GTF3C1: variants seen among roughly 807,000 people sequenced by gnomAD.
The protein encoded by GTF3C1 is general transcription factor 3C polypeptide 1.
GTF3C1 carries 57 observed loss-of-function variants against 226.7 expected under a neutral mutation model. The ratio of observed to expected loss-of-function variants is 0.25; its 90% CI spans 0.20 to 0.31. The LOEUF (loss-of-function observed/expected upper bound fraction) is 0.31. GTF3C1 is among the 10% of genes least tolerant of loss of function. The pLI is 1.00. For missense variants in GTF3C1, 2,217 were observed against 2,776.1 expected (o/e 0.80, Z 4.53); for synonymous variants, 1,090 against 1,084.8 (o/e 1.00, Z -0.09).
At chr16:27,519,066 G>A (rs1049821966) in intron 6 of GTF3C1, among the ~76,000 whole-genome samples, 1 of 152,176 alleles carries the variant, frequency 6.6e-6, no homozygotes, top group African/African-American at 2.4e-5. Context: ...GTTTGGAAAT[G>A]AGAAAGAGAC....
At chr16:27,514,254 G>A (rs1216165905) in intron 6 of GTF3C1, among the ~76,000 whole-genome samples, 3 of 152,204 alleles carry the variant, frequency 2.0e-5, no homozygotes, top group African/African-American at 7.2e-5. Flanking sequence ...CTGGCTCCCC[G>A]CCGGGGCTCC....
intron 5 of GTF3C1, among the ~76,000 whole-genome samples, chr16:27,529,440 C>CAAAAA (rs34170986): frequency 9.0e-6 from 1 of 110,976 alleles, no homozygotes; most frequent in South Asian, 3.0e-4. Context: ...GACTCTGTTT[C>CAAAAA]AAAAAAAAAA....
At position 27,495,502 on chromosome 16, in the gene GTF3C1, G is replaced by A; in HGVS notation, c.2351-10C>T. ...CGCCCCAGTCCGGGAACTAAAGCAA[G>A]AGAGGGAGAGGGCGGTGCTTGAAAA... On this transcript the variant is annotated splice_polypyrimidine_tract_variant and intron_variant, in intron 14 of 36. Coordinates refer to ENST00000356183, the MANE Select transcript of GTF3C1 (RefSeq NM_001520.4). The A allele has an allele frequency of 4.3e-6, 7 of 1,609,476 alleles. No homozygotes were observed. Among genetic ancestry groups the A allele is most frequent in the Non-Finnish European group, 5.1e-6 (6 of 1,177,520 alleles).
intron 1 of GTF3C1, among the ~76,000 whole-genome samples, chr16:27,547,166 T>C (rs1258373260): frequency 6.6e-6 from 1 of 152,112 alleles, no homozygotes; most frequent in Non-Finnish European, 1.5e-5. Context: ...TCACCCTCCA[T>C]CCAGCCTTGA....
chr16:27,488,159 A>G, intron 23 of GTF3C1, 68 bp downstream of exon 23: 1 of 1,377,386 alleles, frequency 7.3e-7, no homozygotes, highest in East Asian at 2.3e-5. Flanking sequence ...GGCTGGAGTG[A>G]GGCTGTCGCA....
chr16:27,498,866 G>A (rs376337273), intron 12 of GTF3C1, 133 bp from the exon 13 acceptor site: 32 of 646,336 alleles, frequency 5.0e-5, no homozygotes, highest in Non-Finnish European at 6.4e-5. Flanking sequence ...TTAGGAGATC[G>A]AAACAAAATT....
intron 32 of GTF3C1, chr16:27,466,083 C>T (rs1567383322): frequency 6.3e-6 from 1 of 157,932 alleles, no homozygotes; most frequent in African/African-American, 2.4e-5. Flanking sequence ...AGTCCAAACT[C>T]CAAAGTATAG....
intron 34 of GTF3C1, 42 bp downstream of exon 34, chr16:27,464,278 C>T: frequency 3.7e-6 from 5 of 1,340,710 alleles, no homozygotes; most frequent in Non-Finnish European, 4.9e-6. Flanking sequence ...GAGGGAAAGC[C>T]AGGGTGGGGT....
intron 6 of GTF3C1, among the ~76,000 whole-genome samples, chr16:27,515,457 A>C (rs867262648): frequency 6.6e-6 from 1 of 151,534 alleles, no homozygotes; most frequent in African/African-American, 2.4e-5. Context: ...AAACAAAACA[A>C]AACACAACAA....
intron 29 of GTF3C1, among the ~76,000 whole-genome samples, chr16:27,475,060 T>TGAACCAGTTCCATTTCCCC (rs2087931829): frequency 6.6e-6 from 1 of 152,280 alleles, no homozygotes; most frequent in Non-Finnish European, 1.5e-5. Context: ...GGCATTTTCC[T>TGAACCAGTTCCATTTCCCC]GAACCAGTTC....
Position 27,461,405 on chromosome 16 carries a change from C to T in GTF3C1, c.6275G>A (p.Arg2092Gln), listed in dbSNP as rs1034279593. The change falls in exon 37 of 37, where the codon CGG becomes CAG. Residue 2092 changes from arginine to glutamine, a missense_variant. Arg to Gln is a conservative substitution (Grantham distance 43). Around this residue, in one of 12 missense-constraint regions of GTF3C1, gnomAD observed 153 missense variants for 199.8 expected, o/e 0.77. Coordinates refer to ENST00000356183, the MANE Select transcript of GTF3C1 (RefSeq NM_001520.4). This position sits in a 1 kb window ranked among gnomAD's most constrained non-coding sequence, Gnocchi z 5.3. ...CTCGTGGGGGAACACACGGCCCAGC[C>T]GGAGGGTACAGTCCAAGGTGGGCTC... ...FYEPTLDCTL[R>Q]LGRVFPHEVN... The T allele has an allele frequency of 9.9e-6, 16 of 1,613,932 alleles. No homozygotes were observed. Among genetic ancestry groups the T allele is most frequent in the African/African-American group, 4.0e-5 (3 of 75,016 alleles).
Position 27,492,339 on chromosome 16 carries a change from T to C in GTF3C1, c.3150A>G (p.Leu1050=), listed in dbSNP as rs1262998521. ...TCAGCCGAGACAGCCGACACCCACC[T>C]AGTGGGGTGTTGAGGCAGACGCACT... The part of the protein sequence containing the change: ...DLQCVCLNTP[L]GVVRCPRVRK... Residue 1050 remains leucine (L), a splice_region_variant and synonymous_variant, in exon 19 of 37, where the codon CTA becomes CTG. Transcript: ENST00000356183. The surrounding 1 kb of genome is among the most constrained non-coding windows in gnomAD (Gnocchi z 5.0). 6.4e-7 allele frequency: 1 copy of C among 1,571,118 alleles called. No homozygotes were observed. Among genetic ancestry groups the C allele is most frequent in the South Asian group, 1.1e-5 (1 of 89,216 alleles).
chr16:27,499,793 G>A (rs1415906725), intron 12 of GTF3C1, among the ~76,000 whole-genome samples: 1 of 152,182 alleles, frequency 6.6e-6, no homozygotes, highest in Non-Finnish European at 1.5e-5. Flanking sequence ...AGGAGCAAAG[G>A]CAAAAGACTG....
chr16:27,464,589 C>T lies in GTF3C1; in HGVS notation c.5603G>A (p.Ser1868Asn). 1.3e-6 allele frequency: 2 copies of T among 1,491,406 alleles called. No individual in the cohort carries two copies. Among genetic ancestry groups the T allele is most frequent in the Non-Finnish European group, 1.8e-6 (2 of 1,119,970 alleles). 92.4% of individuals were successfully genotyped at this position (1,491,406 alleles called of 1,614,324 possible). Reference protein sequence around the residue: ...RGTKRRASWASENGETDAEGT... With the variant: ...RGTKRRASWANENGETDAEGT... The stretch of plus-strand genomic sequence containing the variant: ...CTCGGCGTCGGTCTCCCCATTCTCA[C>T]TGGCCCAGCTGGCGCGCCTCTTGGT... Residue 1868 changes from serine to asparagine, a missense_variant, in exon 34 of 37, where the codon AGT becomes AAT. Physicochemically the swap from Ser to Asn is conservative, Grantham distance 46. Transcript: ENST00000356183.
chr16:27,528,188 T>C (rs1452436044), intron 6 of GTF3C1, among the ~76,000 whole-genome samples: 2 of 152,144 alleles, frequency 1.3e-5, no homozygotes, highest in African/African-American at 4.8e-5. Context: ...GGCAGGAGAA[T>C]TGCTTGAACC....
Position 27,528,718 on chromosome 16 carries a change from G to A in GTF3C1, c.853C>T (p.Leu285=). Residue 285 remains leucine, a synonymous_variant, in exon 6 of 37, where the codon CTG becomes TTG. Transcript: ENST00000356183. ...AGACGCTTAAACGTCCTTTCGCACAGCCCCTGCCAAAACACAATTTAAAGG... is the reference window on the plus strand; with the variant it reads ...AGACGCTTAAACGTCCTTTCGCACAACCCCTGCCAAAACACAATTTAAAGG... The part of the protein sequence containing the change: ...TLGKLREELG[L]CERTFKRLYQ... 6.2e-7 allele frequency: 1 copy of A among 1,613,470 alleles called. No homozygotes were observed. The highest frequency in any genetic ancestry group is 1.1e-5 in the South Asian group (1 of 91,068).
In GTF3C1 at chr16:27,506,767, T is replaced by C. The variant is rs1022206514; in HGVS notation, c.1552+80A>G. On this transcript the variant is annotated intron_variant, in intron 9 of 36. Transcript: ENST00000356183. ...GGCACCAAGGGCAACCGCAGGTGTT[T>C]GCTGAACTGAAGGGGTGTTTCTTGC... is the stretch of plus-strand genomic sequence containing the variant. 5.3e-5 allele frequency: 54 copies of C among 1,026,136 alleles called. No individual in the cohort carries two copies. In the African/African-American group the frequency reaches 6.6e-4, roughly 12 times the overall value. The allele number at this position is 1,026,136 out of a possible 1,614,324, so 63.6% of individuals were successfully genotyped here. A position where few individuals can be genotyped will look rare whatever the true frequency, so the allele number is the denominator to read the frequency against.
intron 6 of GTF3C1, among the ~76,000 whole-genome samples, chr16:27,525,143 T>G (rs1330070831): frequency 1.4e-5 from 2 of 146,608 alleles, no homozygotes; most frequent in Admixed American, 1.3e-4. Flanking sequence ...AGAGAGAAAC[T>G]CTGTGTCAAA....
At position 27,489,123 on chromosome 16, in the gene GTF3C1, C is replaced by T. The variant is rs1377802104; in HGVS notation, c.3349G>A (p.Ala1117Thr). ...GLIPGDGLGAAGLDSSFYGHL... is the reference protein window; with the variant it reads ...GLIPGDGLGATGLDSSFYGHL... Reference sequence around the variant, plus strand: ...CCGTAGAAGCTGGAATCGAGCCCTGCGGCACCCAGCCCATCTCCAGGGATC... The same window carrying T: ...CCGTAGAAGCTGGAATCGAGCCCTGTGGCACCCAGCCCATCTCCAGGGATC... The change falls in exon 21 of 37, where the codon GCA (alanine) becomes ACA (threonine). Residue 1117 changes from alanine (A) to threonine (T), a missense_variant. By Grantham distance (58) the Ala-to-Thr change is moderately conservative. Coordinates refer to ENST00000356183, the MANE Select transcript of GTF3C1 (RefSeq NM_001520.4). The T allele has an allele frequency of 1.2e-6, 2 of 1,613,736 alleles. No individual in the cohort carries two copies. The highest frequency in any genetic ancestry group is 1.7e-5 in the Admixed American group (1 of 60,018).
Sources: gnomAD v4.1 joint callset for allele counts (sites outside exome capture counted in the v4.1 genomes callset) on GRCh38, gnomAD v4.1.1 for gene constraint, gnomAD v4.1.1 regional missense constraint, Gnocchi (gnomAD v3.1) non-coding constraint, MANE v1.5 for transcripts, NCBI Gene and HGNC (gene_info 2026-07-23, HGNC 2026-07-21) for gene names.